Variants in BRAF observed in about 807,000 individuals in gnomAD.
The protein encoded by BRAF is serine/threonine-protein kinase B-raf.
In BRAF, 16 loss-of-function variants were observed where a neutral mutation model predicts 104.6. The ratio of observed to expected loss-of-function variants is 0.15; its 90% CI spans 0.10 to 0.23. The LOEUF (loss-of-function observed/expected upper bound fraction) is 0.23, where lower values mean the gene tolerates loss of function less well. Among genes scored for constraint, BRAF ranks in the 10% least tolerant of loss-of-function variants. The pLI, the probability that BRAF is intolerant of heterozygous loss-of-function variation, is 1.00. For synonymous variants in BRAF, 310 were observed against 341.6 expected (o/e 0.91, Z 1.02); for missense variants, 541 against 937.3 (o/e 0.58, Z 5.52).
chr7:140,724,870 G>A lies in BRAF; in HGVS notation c.*1624C>T, dbSNP rs915999503. ...CCATTAATTTGCCATTAATACATCC[G>A]CTTTCTTTGCTATGACTGTGATTGA... On this transcript the variant is annotated 3_prime_UTR_variant, in exon 20 of 20. Transcript: ENST00000644969. 99 of 1,037,434 alleles carry A rather than the reference G, an allele frequency of 9.5e-5. No individual in the cohort carries two copies. In the South Asian group the frequency reaches 1.2e-3, roughly 13 times the overall value. The allele number at this position is 1,037,434 out of a possible 1,614,324, so 64.3% of individuals were successfully genotyped here.
intron 1 of BRAF, among the ~76,000 whole-genome samples, chr7:140,850,949 A>G (rs979049905): frequency 3.3e-5 from 5 of 152,200 alleles, no homozygotes; most frequent in Non-Finnish European, 7.4e-5. Context: ...CTCAAATACT[A>G]CTAAGATGCA....
chr7:140,888,853 T>G (rs1047498859), intron 1 of BRAF, among the ~76,000 whole-genome samples: 1 of 151,732 alleles, frequency 6.6e-6, no homozygotes, highest in Non-Finnish European at 1.5e-5. Flanking sequence ...AAAAAAATTC[T>G]AATCTAGTGG....
At position 140,766,550 on chromosome 7, in the gene BRAF, G is replaced by A. The variant is rs536932412; in HGVS notation, c.1814+10362C>T. On this transcript the variant is annotated intron_variant, in intron 14 of 19. Coordinates refer to ENST00000644969, the MANE Select transcript of BRAF (RefSeq NM_001374258.1). Reference sequence around the variant, plus strand: ...CACAAATGTCAACATTCTGCCAAATGTGCATAAGAAAGATGTTTCATTATT... The same window carrying A: ...CACAAATGTCAACATTCTGCCAAATATGCATAAGAAAGATGTTTCATTATT... 2.6e-5 allele frequency among the ~76,000 whole-genome samples: 4 copies of A among 152,056 alleles called. No individual in the cohort carries two copies. The South Asian group carries it at 6.2e-4, about 24-fold the overall frequency.
chr7:140,799,168 TAA>T (rs1802826266), intron 7 of BRAF: 1 of 212,982 alleles, frequency 4.7e-6, no homozygotes. Context: ...GCATTATTTT[TAA>T]AGTCACTTCT....
intron 5 of BRAF, among the ~76,000 whole-genome samples, chr7:140,806,991 A>C (rs1401830880): frequency 6.6e-6 from 1 of 152,170 alleles, no homozygotes; most frequent in Non-Finnish European, 1.5e-5. Context: ...ACTCTGGCCA[A>C]AATTCCATAC....
At chr7:140,750,067 T>C (rs1418377659) in intron 16 of BRAF, among the ~76,000 whole-genome samples, 2 of 152,238 alleles carry the variant, frequency 1.3e-5, no homozygotes, top group African/African-American at 4.8e-5. Context: ...GAAACAATCA[T>C]ATTTGCTACA....
At chr7:140,754,788 T>C (rs185935112) in intron 14 of BRAF, among the ~76,000 whole-genome samples, 1 of 152,328 alleles carries the variant, frequency 6.6e-6, no homozygotes, top group Admixed American at 6.5e-5. Context: ...CTATGTTCAC[T>C]TCTATTTGGA....
intron 1 of BRAF, among the ~76,000 whole-genome samples, chr7:140,909,271 C>T (rs2129137909): frequency 6.6e-6 from 1 of 152,004 alleles, no homozygotes; most frequent in South Asian, 2.1e-4. Flanking sequence ...AATAAAAATA[C>T]AAAATTAGCC....
chr7:140,766,137 G>A (rs1799295782), intron 14 of BRAF, among the ~76,000 whole-genome samples: 1 of 152,128 alleles, frequency 6.6e-6, no homozygotes, highest in Non-Finnish European at 1.5e-5. Context: ...CATGTCCTTT[G>A]TAGGGACATG....
Position 140,734,666 on chromosome 7 carries a change from A to G in BRAF, c.2352T>C (p.Ser784=). ...TTTTTGGAGAAGCACAAGCATATAG[A>G]CTAAAATCCTCTGTTTGGAAACCAG... ...NRAGFQTEDF[S]LYACASPKTP... is the part of the protein sequence containing the mutation. Residue 784 remains serine, a synonymous_variant, in exon 19 of 20, where the codon AGT becomes AGC. Transcript: ENST00000644969. The G allele has an allele frequency of 1.9e-6, 3 of 1,613,706 alleles. No individual in the cohort carries two copies. Among genetic ancestry groups the G allele is most frequent in the East Asian group, 2.2e-5 (1 of 44,860 alleles).
chr7:140,859,875 G>C (rs1810218177), intron 1 of BRAF, among the ~76,000 whole-genome samples: 1 of 152,080 alleles, frequency 6.6e-6, no homozygotes, highest in Non-Finnish European at 1.5e-5. Flanking sequence ...TTTTAGTAGA[G>C]ACAGGATTTC....
At chr7:140,747,330 A>ATAC (rs540165850) in intron 17 of BRAF, 39 of 1,134,354 alleles carry the variant, frequency 3.4e-5, no homozygotes, top group Non-Finnish European at 4.2e-5. Context: ...GGTTCTAACT[A>ATAC]TACTATTAGA....
chr7:140,924,537 G>A lies in BRAF; in HGVS notation c.138+29C>T. 6.5e-7 allele frequency: 1 copy of A among 1,533,924 alleles called. No individual in the cohort carries two copies. The highest frequency in any genetic ancestry group is 8.7e-7 in the Non-Finnish European group (1 of 1,146,252). The stretch of plus-strand genomic sequence containing the variant: ...AGCCAGCCGCCGAGCCCGGAGTCGG[G>A]AGGGCGGCAGGGTGGCGCCAGCACT... On this transcript the variant is annotated intron_variant, in intron 1 of 19. Coordinates refer to ENST00000644969, the MANE Select transcript of BRAF (RefSeq NM_001374258.1). This position sits in a 1 kb window ranked among gnomAD's most constrained non-coding sequence, Gnocchi z 4.2.
At chr7:140,817,121 ATTAACAT>A (rs1045971999) in intron 3 of BRAF, among the ~76,000 whole-genome samples, 4 of 152,242 alleles carry the variant, frequency 2.6e-5, no homozygotes, top group Non-Finnish European at 5.9e-5. Flanking sequence ...AGGATACAAA[ATTAACAT>A]ACAAAAGTCA....
intron 14 of BRAF, among the ~76,000 whole-genome samples, chr7:140,772,268 TAACTAC>T (rs771321685): frequency 5.8e-5 from 6 of 103,450 alleles, no homozygotes; most frequent in African/African-American, 1.5e-4. Context: ...ACAGATTGTT[TAACTAC>T]AACAACAACA....
At chr7:140,802,292 CTTTTT>C (rs144953895) in intron 5 of BRAF, among the ~76,000 whole-genome samples, 2 of 103,304 alleles carry the variant, frequency 1.9e-5, no homozygotes, top group Non-Finnish European at 1.8e-5. Flanking sequence ...ATGTTTGTGT[CTTTTT>C]TTTTTTTTTT....
intron 1 of BRAF, among the ~76,000 whole-genome samples, chr7:140,911,644 A>G (rs146838863): frequency 4.2e-4 from 64 of 152,368 alleles, no homozygotes; most frequent in African/African-American, 1.5e-3. Flanking sequence ...TAGGAAAAAC[A>G]TGAGCAAAGA....
chr7:140,744,671 T>C lies in BRAF; in HGVS notation c.2112+4616A>G, dbSNP rs1414959712. 3.3e-5 allele frequency among the ~76,000 whole-genome samples: 5 copies of C among 152,312 alleles called. No homozygotes were observed. The East Asian group carries it at 9.6e-4, about 29-fold the overall frequency. On this transcript the variant is annotated intron_variant, in intron 17 of 19. Transcript: ENST00000644969. Reference sequence around the variant, plus strand: ...AAAAATGAAATATGGAAAGAATCAATACTAAGTCTTAGTATCTAGTGTCCT... The same window carrying C: ...AAAAATGAAATATGGAAAGAATCAACACTAAGTCTTAGTATCTAGTGTCCT...
intron 2 of BRAF, among the ~76,000 whole-genome samples, chr7:140,839,431 T>C (rs1471928961): frequency 2.0e-5 from 3 of 152,166 alleles, no homozygotes; most frequent in African/African-American, 4.8e-5. Flanking sequence ...ACTTAGCTCT[T>C]TAGAAATGCA....
Sources: allele counts gnomAD v4.1 joint callset (sites outside exome capture counted in the v4.1 genomes callset), GRCh38; gene constraint gnomAD v4.1.1; non-coding constraint Gnocchi (gnomAD v3.1); transcripts MANE v1.5; gene names NCBI Gene and HGNC (gene_info 2026-07-23, HGNC 2026-07-21).